The following ANKRD44 variants were observed in gnomAD, a reference collection of about 807,000 sequenced individuals.
ANKRD44 encodes serine/threonine-protein phosphatase 6 regulatory ankyrin repeat subunit B.
Under a neutral mutation model 116.0 loss-of-function variants are expected in ANKRD44, and 35 were observed. The ratio of observed to expected loss-of-function variants is 0.30; its 90% CI spans 0.23 to 0.40. ANKRD44 has a LOEUF of 0.40. ANKRD44 is among the 10% of genes least tolerant of loss of function. The pLI is 1.00. For missense variants in ANKRD44, 1,014 were observed against 1,242.6 expected, an observed-to-expected ratio of 0.82 and a Z score of 2.77; for synonymous variants, 435 against 461.8, an observed-to-expected ratio of 0.94 and a Z score of 0.74.
chr2:197,310,632 T>G lies in ANKRD44; in HGVS notation c.-28A>C, dbSNP rs1389812905. 1.4e-5 allele frequency: 19 copies of G among 1,327,170 alleles called. No homozygotes were observed. Among genetic ancestry groups the G allele is most frequent in the Non-Finnish European group, 1.6e-5 (16 of 1,014,856 alleles). The allele number at this position is 1,327,170 out of a possible 1,614,324, so 82.2% of individuals were successfully genotyped here. A position where few individuals can be genotyped will look rare whatever the true frequency, so the allele number is the denominator to read the frequency against. On this transcript the variant is annotated 5_prime_UTR_variant, in exon 1 of 28. An upstream start codon of the reference 5' UTR is lost. Coordinates refer to ENST00000282272, the MANE Select transcript of ANKRD44 (RefSeq NM_001195144.2). ...TTCCGCTCCTTCGCGCGCACACACA[T>G]GCAGGTCCCCGGCCCGCAGATGTCA... is the stretch of plus-strand genomic sequence containing the variant.
intron 1 of ANKRD44, among the ~76,000 whole-genome samples, chr2:197,213,431 C>A (rs1466405488): frequency 6.6e-6 from 1 of 152,092 alleles, no homozygotes; most frequent in African/African-American, 2.4e-5. Flanking sequence ...TAATTTATTT[C>A]AGCACATGTT....
chr2:197,291,781 G>A (rs545500840), intron 1 of ANKRD44, among the ~76,000 whole-genome samples: 24 of 152,110 alleles, frequency 1.6e-4, no homozygotes, highest in African/African-American at 4.8e-4. Context: ...CCATTAACTC[G>A]TCATTTACAT....
intron 1 of ANKRD44, among the ~76,000 whole-genome samples, chr2:197,209,571 A>G (rs188319221): frequency 6.6e-6 from 1 of 152,344 alleles, no homozygotes; most frequent in Non-Finnish European, 1.5e-5. Context: ...AGTCCAGGCA[A>G]TCATTACCAG....
chr2:197,023,122 G>A (rs1296188124), intron 17 of ANKRD44, among the ~76,000 whole-genome samples: 2 of 152,198 alleles, frequency 1.3e-5, no homozygotes, highest in Non-Finnish European at 1.5e-5. Flanking sequence ...TAATGATGAC[G>A]ATGAAGCTAG....
chr2:197,046,891 T>A (rs2077011752), intron 16 of ANKRD44, among the ~76,000 whole-genome samples: 1 of 152,228 alleles, frequency 6.6e-6, no homozygotes. Context: ...TAATTTCAAC[T>A]TGTGAGAAAG....
intron 10 of ANKRD44, among the ~76,000 whole-genome samples, chr2:197,098,708 G>T (rs2078219261): frequency 6.6e-6 from 1 of 152,152 alleles, no homozygotes; most frequent in Non-Finnish European, 1.5e-5. Flanking sequence ...TGTATTTATA[G>T]AACTCATATA....
chr2:197,156,084 C>T (rs2079803349), intron 2 of ANKRD44, among the ~76,000 whole-genome samples: 1 of 152,184 alleles, frequency 6.6e-6, no homozygotes, highest in African/African-American at 2.4e-5. Context: ...TGGTGGCTCA[C>T]ACCTGTAATC....
intron 21 of ANKRD44, among the ~76,000 whole-genome samples, chr2:196,980,984 G>T (rs1305879763): frequency 6.6e-6 from 1 of 152,088 alleles, no homozygotes; most frequent in Non-Finnish European, 1.5e-5. Context: ...GGCCTCCTCA[G>T]ATTTTTACTT....
intron 9 of ANKRD44, among the ~76,000 whole-genome samples, chr2:197,106,870 T>C (rs1006970007): frequency 6.6e-6 from 1 of 151,588 alleles, no homozygotes; most frequent in Admixed American, 6.6e-5. Flanking sequence ...TCTCTATTTG[T>C]TATCTGAAAA....
intron 10 of ANKRD44, among the ~76,000 whole-genome samples, chr2:197,093,281 A>C (rs545314648): frequency 6.6e-6 from 1 of 152,236 alleles, no homozygotes; most frequent in Non-Finnish European, 1.5e-5. Flanking sequence ...TGGGAAAAAC[A>C]AAAAGTATAA....
chr2:197,088,673 A>T, intron 12 of ANKRD44, 38 bp downstream of exon 12: 1 of 1,426,926 alleles, frequency 7.0e-7, no homozygotes, highest in Non-Finnish European at 9.7e-7. Flanking sequence ...AAGATGAATT[A>T]GTAACTCATA....
intron 19 of ANKRD44, 106 bp from the exon 20 acceptor site, chr2:197,008,029 T>C: frequency 1.3e-6 from 1 of 760,894 alleles, no homozygotes; most frequent in Non-Finnish European, 2.2e-6. Context: ...CCCTCTCCTT[T>C]TGACAATTTC....
intron 1 of ANKRD44, among the ~76,000 whole-genome samples, chr2:197,260,243 T>A (rs1440459894): frequency 6.6e-6 from 1 of 151,986 alleles, no homozygotes; most frequent in Non-Finnish European, 1.5e-5. Context: ...CTCCCCCCAC[T>A]CCACAACAGT....
At position 197,292,361 on chromosome 2, in the gene ANKRD44, G is replaced by A. The variant is rs149917940; in HGVS notation, c.27+18217C>T. Reference sequence around the variant, plus strand: ...GCGGTTTCCTGACTTTTTAATGATCGCCATTCTAACTGGCATGAGATGGTG... The same window carrying A: ...GCGGTTTCCTGACTTTTTAATGATCACCATTCTAACTGGCATGAGATGGTG... On this transcript the variant is annotated intron_variant, in intron 1 of 27. Coordinates refer to ENST00000282272, the MANE Select transcript of ANKRD44 (RefSeq NM_001195144.2). Among the ~76,000 whole-genome samples, 414 of 152,154 alleles carry A rather than the reference G, an allele frequency of 2.7e-3. 2 individuals are homozygous for A. Among genetic ancestry groups the A allele is most frequent in the African/African-American group, 9.7e-3 (403 of 41,492 alleles).
At chr2:197,127,433 G>C (rs1245303531) in intron 4 of ANKRD44, among the ~76,000 whole-genome samples, 3 of 152,030 alleles carry the variant, frequency 2.0e-5, no homozygotes, top group Admixed American at 1.3e-4. Context: ...TTTTAAGCTT[G>C]GAAGCTCTTT....
chr2:197,302,307 T>C (rs1373608583), intron 1 of ANKRD44: 2 of 151,960 alleles, frequency 1.3e-5, no homozygotes, highest in African/African-American at 4.8e-5. Flanking sequence ...ACGTTGAGAG[T>C]AGAGTGCAGG....
At chr2:196,981,315 T>G (rs2075799751) in intron 21 of ANKRD44, among the ~76,000 whole-genome samples, 1 of 152,234 alleles carries the variant, frequency 6.6e-6, no homozygotes, top group Non-Finnish European at 1.5e-5. Context: ...TGGACTTACC[T>G]AGCAAAGCTC....
intron 1 of ANKRD44, among the ~76,000 whole-genome samples, chr2:197,221,042 G>A (rs1460593890): frequency 6.6e-6 from 1 of 152,130 alleles, no homozygotes; most frequent in African/African-American, 2.4e-5. Context: ...CTGAGGTCAG[G>A]AGTTCGAGGT....
rs932152117 is a variant in ANKRD44, at chr2:197,203,437, G to A, written c.28-16331C>T. On this transcript the variant is annotated intron_variant, in intron 1 of 27. Coordinates refer to ENST00000282272, the MANE Select transcript of ANKRD44 (RefSeq NM_001195144.2). The surrounding 1 kb of genome is among the most constrained non-coding windows in gnomAD (Gnocchi z 4.1). ...GATGGCTAAAACAAAACAAACAAAC[G>A]AAACCCAGAAAACAGTGTTGGGAAG... Among the ~76,000 whole-genome samples the A allele has an allele frequency of 5.9e-5, 9 of 152,076 alleles. No individual in the cohort carries two copies. The highest frequency in any genetic ancestry group is 1.2e-4 in the African/African-American group (5 of 41,386).
Sources: gnomAD v4.1 joint callset for allele counts (sites outside exome capture counted in the v4.1 genomes callset) on GRCh38, gnomAD v4.1.1 for gene constraint, Gnocchi (gnomAD v3.1) non-coding constraint, MANE v1.5 for transcripts, NCBI Gene and HGNC (gene_info 2026-07-23, HGNC 2026-07-21) for gene names.